PCDH1: variants seen among roughly 807,000 people sequenced by gnomAD.
PCDH1 encodes the protein protocadherin 1, also known as protocadherin-1.
Under a neutral mutation model 74.6 loss-of-function variants are expected in PCDH1, and 23 were observed. The ratio of observed to expected loss-of-function variants is 0.31; its 90% CI spans 0.22 to 0.44. The LOEUF (loss-of-function observed/expected upper bound fraction) is 0.44, where lower values mean the gene tolerates loss of function less well. PCDH1 is among the 20% of genes least tolerant of loss of function. PCDH1 has a pLI of 1.00. For synonymous variants in PCDH1, 647 were observed against 686.1 expected, an observed-to-expected ratio of 0.94 and a Z score of 0.89; for missense variants, 1,214 against 1,641.4, an observed-to-expected ratio of 0.74 and a Z score of 4.50.
Position 141,869,882 on chromosome 5 carries a change from G to A in PCDH1, c.41-451C>T, listed in dbSNP as rs1020690781. 21 of 837,530 alleles carry A rather than the reference G, an allele frequency of 2.5e-5. No homozygotes were observed. The highest frequency in any genetic ancestry group is 5.4e-5 in the South Asian group (1 of 18,470). The allele number at this position is 837,530 out of a possible 1,614,324, so 51.9% of individuals were successfully genotyped here. On this transcript the variant is annotated intron_variant, in intron 1 of 4. Coordinates refer to ENST00000287008, the MANE Select transcript of PCDH1 (RefSeq NM_032420.5). This position sits in a 1 kb window ranked among gnomAD's most constrained non-coding sequence, Gnocchi z 4.9. The stretch of plus-strand genomic sequence containing the variant: ...AGAGCCAGTGGAAGGGTGAGACCTC[G>A]AGCATCCCCAACTGGAGCACCCCTC...
chr5:141,869,212 C>G lies in PCDH1; in HGVS notation c.260G>C (p.Gly87Ala). ...ACCCACCTCTAGCTTGTACAGGTGC[C>G]CCACATCTGGAAAACCATAGTCGGC... The part of the protein sequence containing the change: ...LAADYGFPDV[G>A]HLYKLEVGAP... The change falls in exon 2 of 5, where the codon GGG becomes GCG. Residue 87 changes from glycine to alanine, a missense_variant. Gly to Ala is a moderately conservative substitution (Grantham distance 60). Around this residue, in one of 4 missense-constraint regions of PCDH1, gnomAD observed 97 missense variants for 173.2 expected, o/e 0.56. Coordinates refer to ENST00000287008, the MANE Select transcript of PCDH1 (RefSeq NM_032420.5). The surrounding 1 kb of genome is among the most constrained non-coding windows in gnomAD (Gnocchi z 4.9). 1 of 1,613,906 alleles carries G rather than the reference C, an allele frequency of 6.2e-7. No individual in the cohort carries two copies. Among genetic ancestry groups the G allele is most frequent in the South Asian group, 1.1e-5 (1 of 91,046 alleles).
In PCDH1 at chr5:141,865,967, G is replaced by A; in HGVS notation, c.904-540C>T. The A allele has an allele frequency of 1.3e-6, 1 of 777,516 alleles. No homozygotes were observed. Among genetic ancestry groups the A allele is most frequent in the African/African-American group, 1.9e-5 (1 of 53,214 alleles). 48.2% of individuals were successfully genotyped at this position (777,516 alleles called of 1,614,324 possible). A position where few individuals can be genotyped will look rare whatever the true frequency, so the allele number is the denominator to read the frequency against. ...TTTGTGTGAGAAGGTATATGTGTTT[G>A]TATGTGTATGATTGTGTCAGAATGT... On this transcript the variant is annotated intron_variant, in intron 2 of 4. Transcript: ENST00000287008. This position sits in a 1 kb window ranked among gnomAD's most constrained non-coding sequence, Gnocchi z 4.4.
At chr5:141,874,216 G>A (rs1038764917) in intron 1 of PCDH1, among the ~76,000 whole-genome samples, 1 of 152,202 alleles carries the variant, frequency 6.6e-6, no homozygotes, top group African/African-American at 2.4e-5. Flanking sequence ...CCAGGGGCCC[G>A]TAGAAATGCA....
Position 141,865,983 on chromosome 5 carries a change from G to T in PCDH1, c.904-556C>A. On this transcript the variant is annotated intron_variant, in intron 2 of 4. Coordinates refer to ENST00000287008, the MANE Select transcript of PCDH1 (RefSeq NM_032420.5). The surrounding 1 kb of genome is among the most constrained non-coding windows in gnomAD (Gnocchi z 4.4). The stretch of plus-strand genomic sequence containing the variant: ...TATGTGTTTGTATGTGTATGATTGT[G>T]TCAGAATGTGTGATTATGTGTGATT... The T allele has an allele frequency of 1.1e-6, 1 of 890,516 alleles. No homozygotes were observed. The highest frequency in any genetic ancestry group is 1.4e-6 in the Non-Finnish European group (1 of 740,334). 55.2% of individuals were successfully genotyped at this position (890,516 alleles called of 1,614,324 possible). A position where few individuals can be genotyped will look rare whatever the true frequency, so the allele number is the denominator to read the frequency against.
chr5:141,858,823 T>TC (rs1399285436), intron 3 of PCDH1, among the ~76,000 whole-genome samples: 3 of 152,136 alleles, frequency 2.0e-5, no homozygotes, highest in African/African-American at 7.2e-5. Flanking sequence ...TGTCTTACTC[T>TC]ATAACTCTGG....
Position 141,854,002 on chromosome 5 carries a change from C to T in PCDH1, c.*40G>A, listed in dbSNP as rs781427387. 1.2e-5 allele frequency: 17 copies of T among 1,461,942 alleles called. No homozygotes were observed. The East Asian group carries it at 1.9e-4, about 16-fold the overall frequency. 90.6% of individuals were successfully genotyped at this position (1,461,942 alleles called of 1,614,324 possible). A position where few individuals can be genotyped will look rare whatever the true frequency, so the allele number is the denominator to read the frequency against. ...TGGAATGGGCCATTTGGGAGCTGGC[C>T]GGCGGCTGGGGGAGGGGGGCCGGCC... On this transcript the variant is annotated 3_prime_UTR_variant, in exon 5 of 5. Transcript: ENST00000287008.
In PCDH1 at chr5:141,868,992, G is replaced by A. The variant is rs547544699; in HGVS notation, c.480C>T (p.Asp160=). The A allele has an allele frequency of 6.2e-7, 1 of 1,614,196 alleles. No individual in the cohort carries two copies. The highest frequency in any genetic ancestry group is 2.2e-5 in the East Asian group (1 of 44,876). ...RLLEGQIEVQ[D]INDNTPNFAS... ...CGAAGTTGGGTGTGTTGTCATTGAT[G>A]TCTTGTACTTCTATCTGGCCCTCTA... is the stretch of plus-strand genomic sequence containing the variant. The change falls in exon 2 of 5, where the codon GAC becomes GAT. Residue 160 remains aspartate (D), a synonymous_variant. Transcript: ENST00000287008. This position sits in a 1 kb window ranked among gnomAD's most constrained non-coding sequence, Gnocchi z 4.8.
intron 2 of PCDH1, chr5:141,867,723 C>A: frequency 2.6e-6 from 1 of 391,166 alleles, no homozygotes; most frequent in Non-Finnish European, 4.9e-6. Flanking sequence ...GCAGGCCGAG[C>A]CTCCTCAGCT....
In PCDH1 at chr5:141,863,617, G is replaced by A; in HGVS notation, c.2714C>T (p.Ala905Val). 2 of 1,614,178 alleles carry A rather than the reference G, an allele frequency of 1.2e-6. No homozygotes were observed. The highest frequency in any genetic ancestry group is 1.7e-6 in the Non-Finnish European group (2 of 1,180,028). ...GCCTTTGCTTTTGTTTCCCTTGGAG[G>A]CCTTGCCACTGGGCTTGGGGGCATA... ...DLYAPKPSGK[A>V]SKGNKSKGKK... Residue 905 changes from alanine to valine, a missense_variant, in exon 3 of 5, where the codon GCC becomes GTC. Physicochemically the swap from Ala to Val is moderately conservative, Grantham distance 64. Transcript: ENST00000287008. The surrounding 1 kb of genome is among the most constrained non-coding windows in gnomAD (Gnocchi z 7.5).
Position 141,868,185 on chromosome 5 carries a change from C to T in PCDH1, c.903+384G>A, listed in dbSNP as rs1201248452. Among the ~76,000 whole-genome samples the T allele has an allele frequency of 6.6e-6, 1 of 152,230 alleles. No homozygotes were observed. The highest frequency in any genetic ancestry group is 1.5e-5 in the Non-Finnish European group (1 of 68,050). ...GAAACTATCCCTGGTTGGGAAGATA[C>T]TCTCATCTCAGGAGAGATTCTACCT... On this transcript the variant is annotated intron_variant, in intron 2 of 4. Transcript: ENST00000287008. The surrounding 1 kb of genome is among the most constrained non-coding windows in gnomAD (Gnocchi z 4.8).
In PCDH1 at chr5:141,878,396, GCTC is replaced by G. The variant is rs1447381885; in HGVS notation, c.-137_-135del. 3.3e-6 allele frequency: 2 copies of G among 602,222 alleles called. No homozygotes were observed. Among genetic ancestry groups the G allele is most frequent in the Non-Finnish European group, 4.5e-6 (2 of 446,118 alleles). The allele number at this position is 602,222 out of a possible 1,614,324, so 37.3% of individuals were successfully genotyped here. Reference sequence around the variant, plus strand: ...GGCTTTGCGTCCGCGCCGCGCTCCCGCTCCCCGAGTGTGTGAGGCGGCGGCGGC... The same window carrying G: ...GGCTTTGCGTCCGCGCCGCGCTCCCGCCCGAGTGTGTGAGGCGGCGGCGGC... On this transcript the variant is annotated 5_prime_UTR_variant, in exon 1 of 5. Coordinates refer to ENST00000287008, the MANE Select transcript of PCDH1 (RefSeq NM_032420.5). This position sits in a 1 kb window ranked among gnomAD's most constrained non-coding sequence, Gnocchi z 5.5.
Position 141,857,364 on chromosome 5 carries a change from C to T in PCDH1, c.3207G>A (p.Pro1069=), listed in dbSNP as rs150884992. ...YDSGLEESET[P]SSKSSSGPRL... is the part of the protein sequence containing the mutation. ...GAGGCCCTGAGGATGACTTGCTGGA[C>T]GGCGTCTCAGACTCCTCCAGGCCAC... is the stretch of plus-strand genomic sequence containing the variant. Residue 1069 remains proline (P), a synonymous_variant, in exon 4 of 5, where the codon CCG becomes CCA. Coordinates refer to ENST00000287008, the MANE Select transcript of PCDH1 (RefSeq NM_032420.5). 2.8e-4 allele frequency: 453 copies of T among 1,613,982 alleles called. 1 individual carries two copies. Among genetic ancestry groups the T allele is most frequent in the South Asian group, 1.5e-3 (137 of 91,064 alleles).
At chr5:141,876,270 G>C (rs143672764) in intron 1 of PCDH1, among the ~76,000 whole-genome samples, 5 of 152,300 alleles carry the variant, frequency 3.3e-5, no homozygotes, top group African/African-American at 1.2e-4. Flanking sequence ...TTCGGCTAGT[G>C]GGGGGAGCCC....
intron 3 of PCDH1, 116 bp from the exon 4 acceptor site, chr5:141,857,587 GAA>G (rs1471516616): frequency 3.0e-6 from 2 of 672,866 alleles, no homozygotes; most frequent in African/African-American, 4.2e-5. Flanking sequence ...CAGCAACCAA[GAA>G]GAGACCCAGG....
rs1236000546 is a variant in PCDH1 at position 141,854,013 on chromosome 5, GGA to G, written c.*27_*28del. 3 of 1,470,168 alleles carry G rather than the reference GGA, an allele frequency of 2.0e-6. No homozygotes were observed. Among genetic ancestry groups the G allele is most frequent in the Non-Finnish European group, 1.8e-6 (2 of 1,108,440 alleles). 91.1% of individuals were successfully genotyped at this position (1,470,168 alleles called of 1,614,324 possible). A position where few individuals can be genotyped will look rare whatever the true frequency, so the allele number is the denominator to read the frequency against. On this transcript the variant is annotated 3_prime_UTR_variant, in exon 5 of 5. Coordinates refer to ENST00000287008, the MANE Select transcript of PCDH1 (RefSeq NM_032420.5). ...ATTTGGGAGCTGGCCGGCGGCTGGGGGAGGGGGGCCGGCCGGCCAGTAGGGGG... is the reference window on the plus strand; with the variant it reads ...ATTTGGGAGCTGGCCGGCGGCTGGGGGGGGGGCCGGCCGGCCAGTAGGGGG...
At chr5:141,873,723 G>C (rs1249553286) in intron 1 of PCDH1, among the ~76,000 whole-genome samples, 2 of 151,550 alleles carry the variant, frequency 1.3e-5, no homozygotes, top group Non-Finnish European at 2.9e-5. Context: ...CTCCCAAAGT[G>C]CTGGGATTAC....
At chr5:141,866,626 C>T (rs917735127) in intron 2 of PCDH1, among the ~76,000 whole-genome samples, 1 of 152,046 alleles carries the variant, frequency 6.6e-6, no homozygotes, top group Non-Finnish European at 1.5e-5. Context: ...ATACCACTTC[C>T]CAAGTAACTA....
rs74798352 is a variant in PCDH1 at position 141,857,622 on chromosome 5, C to A, written c.3100-151G>T. ...AGGCCCCAGCACAGCACATTCCTCC[C>A]GAAAGCACAGGCCCCAGTGAAAGAC... On this transcript the variant is annotated intron_variant, in intron 3 of 4. Coordinates refer to ENST00000287008, the MANE Select transcript of PCDH1 (RefSeq NM_032420.5). 5 of 620,774 alleles carry A rather than the reference C, an allele frequency of 8.1e-6. No individual in the cohort carries two copies. In the African/African-American group the frequency reaches 9.3e-5, roughly 12 times the overall value. 38.5% of individuals were successfully genotyped at this position (620,774 alleles called of 1,614,324 possible). A position where few individuals can be genotyped will look rare whatever the true frequency, so the allele number is the denominator to read the frequency against.
At position 141,869,427 on chromosome 5, in the gene PCDH1, G is replaced by C; in HGVS notation, c.45C>G (p.Leu15=). Residue 15 remains leucine, a synonymous_variant, in exon 2 of 5, where the codon CTC becomes CTG. Transcript: ENST00000287008. The surrounding 1 kb of genome is among the most constrained non-coding windows in gnomAD (Gnocchi z 4.9). ...CCATCCTGGGAGGCCCCAGAATCAG[G>C]AGGGCTGCAAGGGGAAGAGGCAAAA... is the stretch of plus-strand genomic sequence containing the variant. The part of the protein sequence containing the change: ...AGGRRCPEAA[L]LILGPPRMEH... 4 of 1,597,270 alleles carry C rather than the reference G, an allele frequency of 2.5e-6. No individual in the cohort carries two copies. Among genetic ancestry groups the C allele is most frequent in the Non-Finnish European group, 3.4e-6 (4 of 1,178,656 alleles).
Sources: allele counts gnomAD v4.1 joint callset (sites outside exome capture counted in the v4.1 genomes callset), GRCh38; gene constraint gnomAD v4.1.1; regional missense constraint gnomAD v4.1.1; non-coding constraint Gnocchi (gnomAD v3.1); transcripts MANE v1.5; gene names NCBI Gene and HGNC (gene_info 2026-07-23, HGNC 2026-07-21).